The following ASS1 variants were observed in gnomAD, a reference collection of about 807,000 sequenced individuals.
ASS1 encodes the protein argininosuccinate synthase 1.
A neutral mutation model predicts 60.5 loss-of-function variants in ASS1; 58 were observed. The observed-to-expected ratio is 0.96, with a 90% confidence interval of 0.78 to 1.19. ASS1 has a LOEUF of 1.19. Among genes scored for constraint, ASS1 ranks in the 50% most tolerant of loss-of-function variants. The probability of loss-of-function intolerance (pLI) is 0.00; values close to 1 mark genes in which losing one functional copy is unlikely to be tolerated. For missense variants in ASS1, 454 were observed against 547.3 expected (o/e 0.83, Z 1.70); for synonymous variants, 200 against 206.9 (o/e 0.97, Z 0.29).
At position 130,476,406 on chromosome 9, in the gene ASS1, G is replaced by A. The variant is rs1191152086; in HGVS notation, c.598-465G>A. The A allele has an allele frequency of 4.9e-6, 1 of 205,732 alleles. No individual in the cohort carries two copies. Among genetic ancestry groups the A allele is most frequent in the Non-Finnish European group, 9.9e-6 (1 of 101,434 alleles). 12.7% of individuals were successfully genotyped at this position (205,732 alleles called of 1,614,324 possible). On this transcript the variant is annotated intron_variant, in intron 8 of 14. Transcript: ENST00000352480. The surrounding 1 kb of genome is among the most constrained non-coding windows in gnomAD (Gnocchi z 4.9). Reference sequence around the variant, plus strand: ...TTTCTCCCTGTGAGTATTAACCTTGGGGACCCTGGGGACGGCTCGGCTTGC... The same window carrying A: ...TTTCTCCCTGTGAGTATTAACCTTGAGGACCCTGGGGACGGCTCGGCTTGC...
rs552342056 is a variant in ASS1 at position 130,459,594 on chromosome 9, C to T, written c.363+1005C>T. ...TTACAGGTGTGTACCCCACCACACC[C>T]GGCTAATTTTTTGTATTTTTAGTAG... On this transcript the variant is annotated intron_variant, in intron 4 of 14. Coordinates refer to ENST00000352480, the MANE Select transcript of ASS1 (RefSeq NM_054012.4). This position sits in a 1 kb window ranked among gnomAD's most constrained non-coding sequence, Gnocchi z 4.6. Among the ~76,000 whole-genome samples, 56 of 152,168 alleles carry T rather than the reference C, an allele frequency of 3.7e-4. No homozygotes were observed. The South Asian group carries it at 0.011, about 29-fold the overall frequency.
intron 1 of ASS1, chr9:130,452,006 C>T (rs1310202196): frequency 7.4e-6 from 5 of 676,234 alleles, no homozygotes; most frequent in Non-Finnish European, 1.4e-5. Context: ...TTCCCAGGCC[C>T]CAGTGTGGTC....
chr9:130,456,546 T>C (rs551248539), intron 3 of ASS1, among the ~76,000 whole-genome samples: 94 of 152,366 alleles, frequency 6.2e-4, no homozygotes, highest in Non-Finnish European at 1.2e-3. Flanking sequence ...CCCAATTGCT[T>C]TCTTTTCTAT....
rs575141367 is a variant in ASS1 at position 130,454,506 on chromosome 9, G to A, written c.174+133G>A. The A allele has an allele frequency of 1.4e-4, 139 of 989,916 alleles. 1 individual carries two copies. The South Asian group carries it at 1.9e-3, about 14-fold the overall frequency. 61.3% of individuals were successfully genotyped at this position (989,916 alleles called of 1,614,324 possible). On this transcript the variant is annotated intron_variant, in intron 3 of 14. Transcript: ENST00000352480. Reference sequence around the variant, plus strand: ...GCTTCTAAGAGTATGAGATCATCCTGCTCTCAGGTGTGTGAACCCTCTTGT... The same window carrying A: ...GCTTCTAAGAGTATGAGATCATCCTACTCTCAGGTGTGTGAACCCTCTTGT...
chr9:130,452,431 C>A, intron 2 of ASS1, 98 bp downstream of exon 2: 1 of 1,031,060 alleles, frequency 9.7e-7, no homozygotes, highest in Non-Finnish European at 1.5e-6. Flanking sequence ...CCTGTCTGCT[C>A]ACCGTCACTC....
chr9:130,483,489 C>T (rs529331897), intron 11 of ASS1, among the ~76,000 whole-genome samples: 1 of 146,368 alleles, frequency 6.8e-6, no homozygotes, highest in Non-Finnish European at 1.5e-5. Flanking sequence ...TGGCTGTTCA[C>T]ATGTCATTAT....
At chr9:130,468,949 C>CA (rs1375784497) in intron 6 of ASS1, among the ~76,000 whole-genome samples, 2 of 152,212 alleles carry the variant, frequency 1.3e-5, no homozygotes, top group African/African-American at 4.8e-5. Context: ...CTGGGAAACA[C>CA]AAATCTCTTT....
At position 130,459,307 on chromosome 9, in the gene ASS1, C is replaced by A. The variant is rs1845527377; in HGVS notation, c.363+718C>A. Among the ~76,000 whole-genome samples, 1 of 152,106 alleles carries A rather than the reference C, an allele frequency of 6.6e-6. No individual in the cohort carries two copies. The highest frequency in any genetic ancestry group is 6.5e-5 in the Admixed American group (1 of 15,268). ...TCCTTCCGTCCTCCATCTTCCCAAGCTGTCTTCTTCCTGTATCTCTGCATT... is the reference window on the plus strand; with the variant it reads ...TCCTTCCGTCCTCCATCTTCCCAAGATGTCTTCTTCCTGTATCTCTGCATT... On this transcript the variant is annotated intron_variant, in intron 4 of 14. Coordinates refer to ENST00000352480, the MANE Select transcript of ASS1 (RefSeq NM_054012.4). This position sits in a 1 kb window ranked among gnomAD's most constrained non-coding sequence, Gnocchi z 4.6.
chr9:130,447,698 G>T (rs1845227553), intron 1 of ASS1, among the ~76,000 whole-genome samples: 1 of 152,216 alleles, frequency 6.6e-6, no homozygotes, highest in Non-Finnish European at 1.5e-5. Context: ...AGGGGAGGCT[G>T]AATTCAGCCA....
At chr9:130,448,998 G>C (rs982445485) in intron 1 of ASS1, among the ~76,000 whole-genome samples, 1 of 152,222 alleles carries the variant, frequency 6.6e-6, no homozygotes, top group Non-Finnish European at 1.5e-5. Flanking sequence ...GATGGTCCCT[G>C]TTTCCATGGA....
At chr9:130,480,523 C>A (rs1187365731) in intron 11 of ASS1, 74 bp downstream of exon 11, 10 of 1,508,134 alleles carry the variant, frequency 6.6e-6, no homozygotes, top group Non-Finnish European at 9.1e-6. Flanking sequence ...ACCCTGTCCC[C>A]TTTGGACGCT....
At position 130,500,986 on chromosome 9, in the gene ASS1, T is replaced by C. The variant is rs1017828856; in HGVS notation, c.1204T>C (p.Tyr402His). The C allele has an allele frequency of 6.2e-7, 1 of 1,613,826 alleles. No individual in the cohort carries two copies. The highest frequency in any genetic ancestry group is 8.5e-7 in the Non-Finnish European group (1 of 1,179,928). Residue 402 changes from tyrosine to histidine, a missense_variant, in exon 15 of 15, where the codon TAT becomes CAT. Coordinates refer to ENST00000352480, the MANE Select transcript of ASS1 (RefSeq NM_054012.4). ...ININSLRLKEYHRLQSKVTAK is the reference protein window; with the variant it reads ...ININSLRLKEHHRLQSKVTAK The stretch of plus-strand genomic sequence containing the variant: ...GAATCTGGTTTACAGGCTGAAGGAA[T>C]ATCATCGTCTCCAGAGCAAGGTCAC...
In ASS1 at chr9:130,466,791, T is replaced by C; in HGVS notation, c.487T>C (p.Tyr163His). The change falls in exon 6 of 15, where the codon TAC (tyrosine) becomes CAC (histidine). Residue 163 changes from tyrosine (Y) to histidine (H), a missense_variant. Transcript: ENST00000352480. The stretch of plus-strand genomic sequence containing the variant: ...CAAGGGCCGCAATGACCTGATGGAG[T>C]ACGCAAAGGTATGGCCGAGTCTCCC... ...RFKGRNDLME[Y>H]AKQHGIPIPV... 2 of 1,613,930 alleles carry C rather than the reference T, an allele frequency of 1.2e-6. No homozygotes were observed. Among genetic ancestry groups the C allele is most frequent in the Non-Finnish European group, 8.5e-7 (1 of 1,179,944 alleles).
chr9:130,498,455 GTGAT>G (rs1443342077), intron 13 of ASS1, among the ~76,000 whole-genome samples: 1 of 152,220 alleles, frequency 6.6e-6, no homozygotes, highest in Non-Finnish European at 1.5e-5. Context: ...AAGGCAATGG[GTGAT>G]TGATTGCTTC....
At chr9:130,468,526 C>A (rs1845797954) in intron 6 of ASS1, among the ~76,000 whole-genome samples, 1 of 152,232 alleles carries the variant, frequency 6.6e-6, no homozygotes, top group Admixed American at 6.5e-5. Flanking sequence ...ACCCTCCTAC[C>A]TCAGCCTCCT....
rs568893606 is a variant in ASS1 at position 130,471,492 on chromosome 9, G to A, written c.574G>A (p.Ala192Thr). ...TTCCTTTCCCCTCCGCAGCTACGAG[G>A]CTGGAATCCTGGAGAACCCCAAGGT... ...DENLMHISYE[A>T]GILENPKNQA... The change falls in exon 8 of 15, where the codon GCT (alanine) becomes ACT (threonine). Residue 192 changes from alanine to threonine, a missense_variant. By Grantham distance (58) the Ala-to-Thr change is moderately conservative. Transcript: ENST00000352480. 1.2e-6 allele frequency: 2 copies of A among 1,614,148 alleles called. No homozygotes were observed. Among genetic ancestry groups the A allele is most frequent in the Admixed American group, 3.3e-5 (2 of 60,026 alleles).
intron 11 of ASS1, among the ~76,000 whole-genome samples, chr9:130,485,389 G>A (rs756132292): frequency 2.9e-4 from 44 of 152,086 alleles, no homozygotes; most frequent in South Asian, 6.2e-4. Context: ...GGCTGAGACC[G>A]GCCAAAGTCA....
At chr9:130,482,071 G>T (rs1413310691) in intron 11 of ASS1, among the ~76,000 whole-genome samples, 1 of 152,124 alleles carries the variant, frequency 6.6e-6, no homozygotes, top group Non-Finnish European at 1.5e-5. Flanking sequence ...GCCAGGGCTG[G>T]GGAGGGGTGG....
rs2118862911 is a variant in ASS1 at position 130,488,860 on chromosome 9, GCAGGGGC to G, written c.839-471_839-465del. On this transcript the variant is annotated intron_variant, in intron 11 of 14. Transcript: ENST00000352480. This position sits in a 1 kb window ranked among gnomAD's most constrained non-coding sequence, Gnocchi z 5.2. ...CAGTGGCCTCTGGAGAGACCTGGCC[GCAGGGGC>G]CCCATGGGCTGAAGGTGGCATGTGT... is the stretch of plus-strand genomic sequence containing the variant. Among the ~76,000 whole-genome samples the G allele has an allele frequency of 1.3e-5, 2 of 152,340 alleles. No homozygotes were observed. Among genetic ancestry groups the G allele is most frequent in the East Asian group, 3.9e-4 (2 of 5,180 alleles).
Sources: gnomAD v4.1 joint callset for allele counts (sites outside exome capture counted in the v4.1 genomes callset) on GRCh38, gnomAD v4.1.1 for gene constraint, Gnocchi (gnomAD v3.1) non-coding constraint, MANE v1.5 for transcripts, NCBI Gene and HGNC (gene_info 2026-07-23, HGNC 2026-07-21) for gene names.